VWA3B: variants seen among roughly 807,000 people sequenced by gnomAD.
VWA3B encodes the protein von Willebrand factor A domain-containing protein 3B.
A neutral mutation model predicts 158.3 loss-of-function variants in VWA3B; 138 were observed. The observed-to-expected ratio is 0.87, with a 90% CI of 0.76 to 1.00. The LOEUF is 1.00. Ranked by LOEUF, VWA3B falls within the 50% of genes least tolerant of loss-of-function variation. The pLI is 0.00. For missense variants in VWA3B, 1,555 were observed against 1,565.1 expected (o/e 0.99, Z 0.11); for synonymous variants, 596 against 587.3 (o/e 1.01, Z -0.21).
intron 7 of VWA3B, among the ~76,000 whole-genome samples, chr2:98,149,821 G>T (rs868597548): frequency 3.3e-4 from 50 of 152,252 alleles, no homozygotes; most frequent in African/African-American, 1.2e-3. Context: ...GATTTAAAAA[G>T]CTATAATTGT....
intron 12 of VWA3B, among the ~76,000 whole-genome samples, chr2:98,195,108 A>G (rs891297879): frequency 9.2e-5 from 14 of 152,192 alleles, no homozygotes; most frequent in African/African-American, 2.4e-4. Context: ...GAACTTCCAA[A>G]TATTTGAGAT....
intron 19 of VWA3B, chr2:98,245,352 G>A: frequency 3.1e-6 from 1 of 327,076 alleles, no homozygotes; most frequent in Non-Finnish European, 6.0e-6. Flanking sequence ...TTATGAGAAT[G>A]CCCCTTATGA....
chr2:98,297,125 A>G (rs1014834544), intron 23 of VWA3B, among the ~76,000 whole-genome samples: 14 of 150,512 alleles, frequency 9.3e-5, no homozygotes, highest in Non-Finnish European at 1.5e-4. Context: ...TTTGTCGCCC[A>G]GGCTGGAGTG....
intron 26 of VWA3B, among the ~76,000 whole-genome samples, chr2:98,309,723 G>A (rs1297807415): frequency 3.9e-5 from 6 of 152,266 alleles, no homozygotes; most frequent in African/African-American, 7.2e-5. Context: ...CTGACATTAC[G>A]TCAGATGAAT....
chr2:98,139,729 G>C (rs973843650), intron 7 of VWA3B, among the ~76,000 whole-genome samples: 5 of 152,180 alleles, frequency 3.3e-5, no homozygotes, highest in Admixed American at 6.5e-5. Context: ...GATTGTAAAC[G>C]CACCAATCAG....
At chr2:98,097,690 C>T (rs1682807899) in intron 2 of VWA3B, among the ~76,000 whole-genome samples, 1 of 152,090 alleles carries the variant, frequency 6.6e-6, no homozygotes, top group Admixed American at 6.6e-5. Flanking sequence ...TACTGTTTTC[C>T]ATAGAGGTTG....
intron 2 of VWA3B, among the ~76,000 whole-genome samples, chr2:98,094,580 TTACTC>T (rs1682583510): frequency 6.6e-6 from 1 of 152,308 alleles, no homozygotes; most frequent in African/African-American, 2.4e-5. Flanking sequence ...GGTTGTCTCT[TTACTC>T]TGTTGATTTT....
intron 16 of VWA3B, among the ~76,000 whole-genome samples, chr2:98,234,334 G>A (rs1440696071): frequency 1.3e-5 from 2 of 152,232 alleles, no homozygotes; most frequent in Non-Finnish European, 2.9e-5. Context: ...GATGCCTTAA[G>A]CAGCTGAGAG....
intron 9 of VWA3B, among the ~76,000 whole-genome samples, chr2:98,186,405 C>T (rs368165852): frequency 1.3e-5 from 2 of 152,012 alleles, no homozygotes; most frequent in South Asian, 2.1e-4. Context: ...CCTCCAGCCC[C>T]GCGGCCTACC....
chr2:98,259,957 T>C (rs1008743178), intron 21 of VWA3B, among the ~76,000 whole-genome samples: 25 of 151,798 alleles, frequency 1.6e-4, no homozygotes, highest in African/African-American at 5.6e-4. Flanking sequence ...CATATTGCTT[T>C]CTAATTTCTC....
At chr2:98,154,132 G>A (rs1038678781) in intron 7 of VWA3B, among the ~76,000 whole-genome samples, 3 of 152,160 alleles carry the variant, frequency 2.0e-5, no homozygotes, top group African/African-American at 7.2e-5. Flanking sequence ...AAAGTGCTGG[G>A]GTTACAGGTG....
chr2:98,186,358 C>A (rs1370114599), intron 9 of VWA3B, among the ~76,000 whole-genome samples: 1 of 151,974 alleles, frequency 6.6e-6, no homozygotes, highest in Non-Finnish European at 1.5e-5. Context: ...GGCTTTTAAT[C>A]CCCTGTGCAT....
intron 27 of VWA3B, 26 bp downstream of exon 27, chr2:98,312,058 A>G: frequency 1.9e-6 from 3 of 1,592,278 alleles, no homozygotes; most frequent in Non-Finnish European, 2.6e-6. Flanking sequence ...GGGGAACACA[A>G]CATCGCTTAT....
chr2:98,133,609 G>T, intron 6 of VWA3B: 1 of 522,240 alleles, frequency 1.9e-6, no homozygotes, highest in South Asian at 3.1e-5. Flanking sequence ...TGAGTTGTCG[G>T]TTAAAATCCC....
chr2:98,271,138 T>C (rs1688178424), intron 22 of VWA3B, among the ~76,000 whole-genome samples: 1 of 151,932 alleles, frequency 6.6e-6, no homozygotes, highest in Admixed American at 6.6e-5. Context: ...TATAATGTAG[T>C]GATTAAAAGC....
At chr2:98,297,634 ATGGGG>A (rs1417307885) in intron 23 of VWA3B, among the ~76,000 whole-genome samples, 3 of 152,120 alleles carry the variant, frequency 2.0e-5, no homozygotes, top group Non-Finnish European at 4.4e-5. Context: ...TCCTGTCAGG[ATGGGG>A]GCTGATGGCG....
At chr2:98,142,451 C>T (rs1316142796) in intron 7 of VWA3B, among the ~76,000 whole-genome samples, 2 of 152,088 alleles carry the variant, frequency 1.3e-5, no homozygotes, top group Admixed American at 6.5e-5. Flanking sequence ...CTTTGTAAAC[C>T]GTAATACCTC....
At chr2:98,139,040 C>T (rs1253781422) in intron 7 of VWA3B, among the ~76,000 whole-genome samples, 1 of 152,218 alleles carries the variant, frequency 6.6e-6, no homozygotes, top group Non-Finnish European at 1.5e-5. Flanking sequence ...GCGCGTGGAG[C>T]TTGCAGGCCA....
At chr2:98,299,371 C>G (rs1690038308) in intron 24 of VWA3B, among the ~76,000 whole-genome samples, 1 of 152,212 alleles carries the variant, frequency 6.6e-6, no homozygotes, top group African/African-American at 2.4e-5. Context: ...TCTGGCTCAT[C>G]CTCTTGCCGC....
Sources: gnomAD v4.1 joint callset for allele counts (sites outside exome capture counted in the v4.1 genomes callset) on GRCh38, gnomAD v4.1.1 for gene constraint, MANE v1.5 for transcripts, NCBI Gene and HGNC (gene_info 2026-07-23, HGNC 2026-07-21) for gene names.